The following SPATS2 variants were observed in gnomAD, a reference collection of about 807,000 sequenced individuals.
The protein encoded by SPATS2 is spermatogenesis-associated serine-rich protein 2.
A neutral mutation model predicts 63.7 loss-of-function variants in SPATS2; 38 were observed. The ratio of observed to expected loss-of-function variants is 0.60; its 90% CI spans 0.46 to 0.78. The LOEUF is 0.78. Ranked by LOEUF, SPATS2 falls within the 30% of genes least tolerant of loss-of-function variation. The probability of loss-of-function intolerance (pLI) is 0.00; values close to 1 mark genes in which losing one functional copy is unlikely to be tolerated. For synonymous variants in SPATS2, 207 were observed against 232.9 expected, an observed-to-expected ratio of 0.89 and a Z score of 1.01; for missense variants, 588 against 666.2, an observed-to-expected ratio of 0.88 and a Z score of 1.29.
At chr12:49,498,696 C>T (rs1271504681) in intron 8 of SPATS2, among the ~76,000 whole-genome samples, 2 of 151,504 alleles carry the variant, frequency 1.3e-5, no homozygotes, top group East Asian at 3.8e-4. Flanking sequence ...TTTTATTTGT[C>T]TCTAGAAGTT....
intron 2 of SPATS2, among the ~76,000 whole-genome samples, chr12:49,399,161 T>C (rs1565702582): frequency 6.6e-6 from 1 of 152,172 alleles, no homozygotes; most frequent in Non-Finnish European, 1.5e-5. Context: ...AATTCTTTTT[T>C]TTTTCCTTTG....
intron 2 of SPATS2, among the ~76,000 whole-genome samples, chr12:49,417,057 A>G (rs765610225): frequency 6.6e-6 from 1 of 152,222 alleles, no homozygotes; most frequent in Non-Finnish European, 1.5e-5. Context: ...TGGTTTGTCA[A>G]GAGCTGTGGA....
chr12:49,469,561 A>G (rs748108960), intron 3 of SPATS2: 110 of 431,502 alleles, frequency 2.5e-4, no homozygotes, highest in South Asian at 7.9e-4. Context: ...AAAAAAAAAA[A>G]AAAGAAAAAA....
intron 4 of SPATS2, chr12:49,486,244 G>A (rs762750271): frequency 4.4e-5 from 20 of 451,168 alleles, no homozygotes; most frequent in African/African-American, 2.8e-4. Flanking sequence ...TCACTCTGTC[G>A]TCCAGGCTGG....
At chr12:49,402,126 A>AC (rs1944615904) in intron 2 of SPATS2, among the ~76,000 whole-genome samples, 1 of 152,122 alleles carries the variant, frequency 6.6e-6, no homozygotes, top group African/African-American at 2.4e-5. Flanking sequence ...ATAGGCATGC[A>AC]CCACCATGCC....
intron 2 of SPATS2, among the ~76,000 whole-genome samples, chr12:49,429,859 C>T (rs1592386962): frequency 1.3e-5 from 2 of 150,664 alleles, no homozygotes; most frequent in African/African-American, 2.5e-5. Context: ...CAGCTCACTG[C>T]AACCTCCGCC....
chr12:49,483,487 A>G (rs1191605921), intron 3 of SPATS2, among the ~76,000 whole-genome samples: 1 of 152,178 alleles, frequency 6.6e-6, no homozygotes, highest in Non-Finnish European at 1.5e-5. Flanking sequence ...AAGCTTAAAT[A>G]CTGTTTGTAT....
chr12:49,516,189 ATATATATATAT>A lies in SPATS2; in HGVS notation c.898+1577_898+1587del, dbSNP rs1565760911. ...AAAATATATATATATATATATATAT[ATATATATATAT>A]ATATATATAAATCAGGCATGGGGTC... On this transcript the variant is annotated intron_variant, in intron 10 of 13. Transcript: ENST00000552918. 3.6e-4 allele frequency among the ~76,000 whole-genome samples: 38 copies of A among 105,284 alleles called. 3 individuals carry two copies. The highest frequency in any genetic ancestry group is 1.2e-3 in the African/African-American group (36 of 29,526). 69.1% of individuals were successfully genotyped at this position (105,284 alleles called of 152,430 possible).
At chr12:49,480,002 A>G (rs1946179942) in intron 3 of SPATS2, among the ~76,000 whole-genome samples, 1 of 152,170 alleles carries the variant, frequency 6.6e-6, no homozygotes, top group South Asian at 2.1e-4. Flanking sequence ...TTAAGAGAGG[A>G]TATTCTGGGA....
intron 2 of SPATS2, among the ~76,000 whole-genome samples, chr12:49,443,939 A>G (rs1465300540): frequency 1.3e-5 from 2 of 152,182 alleles, no homozygotes; most frequent in Non-Finnish European, 2.9e-5. Flanking sequence ...AAAATTTTCA[A>G]AATTGTTTTG....
intron 2 of SPATS2, among the ~76,000 whole-genome samples, chr12:49,446,191 A>G (rs985461302): frequency 6.6e-6 from 1 of 152,220 alleles, no homozygotes; most frequent in African/African-American, 2.4e-5. Context: ...GGTGTGAGCC[A>G]CCACACCCAG....
intron 2 of SPATS2, among the ~76,000 whole-genome samples, chr12:49,434,223 A>G (rs1945234361): frequency 6.6e-6 from 1 of 151,968 alleles, no homozygotes; most frequent in South Asian, 2.1e-4. Flanking sequence ...GAGGCCTCCA[A>G]CTCCTTGTTT....
chr12:49,521,966 G>C (rs1292559578), intron 11 of SPATS2, among the ~76,000 whole-genome samples: 2 of 151,630 alleles, frequency 1.3e-5, no homozygotes, highest in Admixed American at 1.3e-4. Flanking sequence ...TGCTCTGAGG[G>C]GTTCAGTTCT....
intron 2 of SPATS2, among the ~76,000 whole-genome samples, chr12:49,426,206 T>G (rs1945072928): frequency 8.3e-6 from 1 of 120,194 alleles, no homozygotes; most frequent in Non-Finnish European, 1.8e-5. Flanking sequence ...TTTGGTAAAC[T>G]TTTTTTTTTT....
At chr12:49,466,528 G>T (rs1945919247) in intron 3 of SPATS2, among the ~76,000 whole-genome samples, 1 of 152,114 alleles carries the variant, frequency 6.6e-6, no homozygotes, top group Admixed American at 6.6e-5. Flanking sequence ...TGGATATCCA[G>T]TTGTTACAGC....
At chr12:49,446,181 G>A (rs147537045) in intron 2 of SPATS2, among the ~76,000 whole-genome samples, 1 of 152,202 alleles carries the variant, frequency 6.6e-6, no homozygotes, top group Non-Finnish European at 1.5e-5. Context: ...TGGGATTGCA[G>A]GTGTGAGCCA....
At chr12:49,468,455 C>T (rs148981386) in intron 3 of SPATS2, among the ~76,000 whole-genome samples, 170 of 148,548 alleles carry the variant, frequency 1.1e-3, no homozygotes, top group African/African-American at 3.7e-3. Flanking sequence ...CCACTGTGCC[C>T]GGCCTTTTTT....
intron 2 of SPATS2, among the ~76,000 whole-genome samples, chr12:49,428,447 C>T (rs1435515093): frequency 6.6e-6 from 1 of 152,178 alleles, no homozygotes; most frequent in Non-Finnish European, 1.5e-5. Context: ...CCCTCTTCCC[C>T]CTAGCCTCTG....
chr12:49,403,647 A>G (rs1449037214), intron 2 of SPATS2, among the ~76,000 whole-genome samples: 1 of 150,690 alleles, frequency 6.6e-6, no homozygotes, highest in Non-Finnish European at 1.5e-5. Flanking sequence ...ACACAAACAA[A>G]ACTGGAATTC....
Sources: gnomAD v4.1 joint callset for allele counts (sites outside exome capture counted in the v4.1 genomes callset) on GRCh38, gnomAD v4.1.1 for gene constraint, MANE v1.5 for transcripts, NCBI Gene and HGNC (gene_info 2026-07-23, HGNC 2026-07-21) for gene names.